SLIT3: variants seen among roughly 807,000 people sequenced by gnomAD.
The protein encoded by SLIT3 is slit homolog 3 protein.
A neutral mutation model predicts 184.0 loss-of-function variants in SLIT3; 68 were observed. The observed-to-expected ratio is 0.37, with a 90% CI of 0.30 to 0.45. The LOEUF (loss-of-function observed/expected upper bound fraction) is 0.45. Among genes scored for constraint, SLIT3 ranks in the 20% least tolerant of loss-of-function variants. The pLI is 1.00. For synonymous variants in SLIT3, 831 were observed against 828.6 expected (o/e 1.00, Z -0.05); for missense variants, 1,707 against 2,026.0 (o/e 0.84, Z 3.02).
rs574212679 is a variant in SLIT3 at position 168,815,798 on chromosome 5, C to T, written c.793+1502G>A. On this transcript the variant is annotated intron_variant, in intron 8 of 35. Coordinates refer to ENST00000519560, the MANE Select transcript of SLIT3 (RefSeq NM_003062.4). ...AGAAGAGGCCAGAGAGTTTGCGCTT[C>T]TGGCCATACTGGAGTCCAGCAGCCC... is the stretch of plus-strand genomic sequence containing the variant. 4.6e-5 allele frequency among the ~76,000 whole-genome samples: 7 copies of T among 152,346 alleles called. No homozygotes were observed. The South Asian group carries it at 1.2e-3, about 27-fold the overall frequency.
At chr5:168,755,400 T>TCCTTCCTTCCTTCCTTC (rs1491510050) in intron 16 of SLIT3, among the ~76,000 whole-genome samples, 2 of 17,516 alleles carry the variant, frequency 1.1e-4, no homozygotes, top group East Asian at 3.6e-3. Context: ...TTTCTTTCTT[T>TCCTTCCTTCCTTCCTTC]CTTTCTTTCT....
intron 3 of SLIT3, among the ~76,000 whole-genome samples, chr5:169,223,642 T>C (rs1764691402): frequency 6.6e-6 from 1 of 152,236 alleles, no homozygotes; most frequent in Non-Finnish European, 1.5e-5. Context: ...TGGAGTCATA[T>C]ACATAGCCTG....
chr5:168,947,181 A>G (rs532901597), intron 4 of SLIT3, among the ~76,000 whole-genome samples: 6 of 152,382 alleles, frequency 3.9e-5, no homozygotes, highest in African/African-American at 1.2e-4. Context: ...ACATTTAAAC[A>G]GAAACCAAGG....
chr5:168,715,023 G>A lies in SLIT3; in HGVS notation c.2484-2669C>T, dbSNP rs142452904. ...GGTCCTACGGTTAATACAATAAACA[G>A]TGGGAACTATCCTCATTCTAAATGT... On this transcript the variant is annotated intron_variant, in intron 23 of 35. Coordinates refer to ENST00000519560, the MANE Select transcript of SLIT3 (RefSeq NM_003062.4). Among the ~76,000 whole-genome samples the A allele has an allele frequency of 3.9e-5, 6 of 152,310 alleles. No homozygotes were observed. In the East Asian group the frequency reaches 1.2e-3, roughly 29 times the overall value.
In SLIT3 at chr5:169,161,522, C is replaced by T. The variant is rs539976117; in HGVS notation, c.413+31957G>A. Among the ~76,000 whole-genome samples the T allele has an allele frequency of 1.1e-4, 17 of 152,230 alleles. No individual in the cohort carries two copies. The South Asian group carries it at 1.7e-3, about 15-fold the overall frequency. ...CAGCCTGAAGGCCTCTTTAAAGCAC[C>T]GTCCTCTTGAGCAATGATAAACCTC... On this transcript the variant is annotated intron_variant, in intron 4 of 35. Transcript: ENST00000519560.
At chr5:169,116,424 T>G (rs1760665982) in intron 4 of SLIT3, among the ~76,000 whole-genome samples, 1 of 152,158 alleles carries the variant, frequency 6.6e-6, no homozygotes, top group East Asian at 1.9e-4. Flanking sequence ...TAGGGAGCCT[T>G]TAAACATTGG....
intron 4 of SLIT3, among the ~76,000 whole-genome samples, chr5:169,146,144 T>A (rs1372112056): frequency 6.6e-6 from 1 of 152,236 alleles, no homozygotes; most frequent in African/African-American, 2.4e-5. Flanking sequence ...ATTACGAATA[T>A]CTCTCCATTT....
At chr5:168,709,512 C>T (rs1762481959) in intron 25 of SLIT3, among the ~76,000 whole-genome samples, 1 of 152,170 alleles carries the variant, frequency 6.6e-6, no homozygotes, top group African/African-American at 2.4e-5. Flanking sequence ...GTATGATGTC[C>T]AAATGTGCAG....
At chr5:169,246,254 A>G (rs1765586230) in intron 2 of SLIT3, among the ~76,000 whole-genome samples, 1 of 152,184 alleles carries the variant, frequency 6.6e-6, no homozygotes, top group African/African-American at 2.4e-5. Context: ...CCATGTCCTC[A>G]TCTGCTCTGC....
chr5:168,959,140 A>C (rs1455093914), intron 4 of SLIT3, among the ~76,000 whole-genome samples: 2 of 152,252 alleles, frequency 1.3e-5, no homozygotes, highest in Non-Finnish European at 2.9e-5. Context: ...AGTAATGGAA[A>C]TAGCATGTAG....
At chr5:168,789,515 G>A (rs758517296) in intron 11 of SLIT3, 45 bp downstream of exon 11, 12 of 1,477,848 alleles carry the variant, frequency 8.1e-6, no homozygotes, top group East Asian at 7.0e-5. Context: ...TCCCTCCAGC[G>A]CCCCCCCTCC....
chr5:168,970,486 ACT>A (rs1193240990), intron 4 of SLIT3, among the ~76,000 whole-genome samples: 1 of 146,760 alleles, frequency 6.8e-6, no homozygotes, highest in African/African-American at 2.6e-5. Flanking sequence ...CAAAAGTGAA[ACT>A]CTGTCTCAAA....
At chr5:168,864,261 T>A (rs1285914843) in intron 5 of SLIT3, among the ~76,000 whole-genome samples, 4 of 152,182 alleles carry the variant, frequency 2.6e-5, no homozygotes, top group Non-Finnish European at 5.9e-5. Flanking sequence ...GGTAAAAGAC[T>A]GTACAGACCA....
intron 4 of SLIT3, among the ~76,000 whole-genome samples, chr5:169,166,432 G>T (rs1372412177): frequency 6.6e-6 from 1 of 152,182 alleles, no homozygotes; most frequent in Non-Finnish European, 1.5e-5. Flanking sequence ...AGTGGGCTGA[G>T]GTGGCAGAAA....
chr5:168,748,348 C>T lies in SLIT3; in HGVS notation c.2224G>A (p.Gly742Arg), dbSNP rs1408191004. 6.7e-7 allele frequency: 1 copy of T among 1,498,008 alleles called. No individual in the cohort carries two copies. Among genetic ancestry groups the T allele is most frequent in the Non-Finnish European group, 8.8e-7 (1 of 1,130,564 alleles). The allele number at this position is 1,498,008 out of a possible 1,614,324, so 92.8% of individuals were successfully genotyped here. The change falls in exon 20 of 36, where the codon GGG becomes AGG. Residue 742 changes from glycine (G) to arginine (R), a missense_variant. Transcript: ENST00000519560. ...METVVRCSNK[G>R]LRALPRGMPK... Reference sequence around the variant, plus strand: ...ATGCCTCTGGGGAGGGCGCGGAGCCCCTTGTTGCTGCATCGCACCACTGTC... The same window carrying T: ...ATGCCTCTGGGGAGGGCGCGGAGCCTCTTGTTGCTGCATCGCACCACTGTC...
intron 3 of SLIT3, among the ~76,000 whole-genome samples, chr5:169,237,435 A>G (rs1052326132): frequency 2.0e-5 from 3 of 152,138 alleles, no homozygotes; most frequent in African/African-American, 4.8e-5. Context: ...CCTAGCAACC[A>G]TAGATCTGGA....
At chr5:168,975,003 C>T (rs936729104) in intron 4 of SLIT3, among the ~76,000 whole-genome samples, 6 of 152,186 alleles carry the variant, frequency 3.9e-5, no homozygotes, top group Non-Finnish European at 5.9e-5. Flanking sequence ...CTCCCAAGAT[C>T]GACCACACAT....
chr5:169,097,851 G>C (rs1759846985), intron 4 of SLIT3, among the ~76,000 whole-genome samples: 2 of 152,196 alleles, frequency 1.3e-5, no homozygotes, highest in Non-Finnish European at 2.9e-5. Context: ...CAAGTTGGAG[G>C]ATCAAGTGCA....
chr5:168,930,292 TGAG>T (rs1444199980), intron 4 of SLIT3, among the ~76,000 whole-genome samples: 10 of 152,136 alleles, frequency 6.6e-5, no homozygotes, highest in Admixed American at 5.2e-4. Context: ...GGGCTATCAG[TGAG>T]GAGGAGAGTA....
Sources: gnomAD v4.1 joint callset for allele counts (sites outside exome capture counted in the v4.1 genomes callset) on GRCh38, gnomAD v4.1.1 for gene constraint, MANE v1.5 for transcripts, NCBI Gene and HGNC (gene_info 2026-07-23, HGNC 2026-07-21) for gene names.